Variants in TRIP12 observed in about 807,000 individuals in gnomAD.
TRIP12 encodes E3 ubiquitin-protein ligase TRIP12.
TRIP12 carries 25 observed loss-of-function variants against 244.2 expected under a neutral mutation model. That is an observed-to-expected ratio of 0.10 (90% CI 0.07 to 0.14). The LOEUF is 0.14. Ranked by LOEUF, TRIP12 falls within the 10% of genes least tolerant of loss-of-function variation. TRIP12 has a pLI of 1.00. For missense variants in TRIP12, 1,677 were observed against 2,486.4 expected (o/e 0.67, Z 6.92); for synonymous variants, 905 against 873.1 (o/e 1.04, Z -0.64).
Position 229,901,431 on chromosome 2 carries a change from G to GC in TRIP12, c.-50+20448dup, listed in dbSNP as rs561729784. On this transcript the variant is annotated intron_variant, in intron 1 of 41. Transcript: ENST00000675903. The stretch of plus-strand genomic sequence containing the variant: ...AGGTCAGGAGCTCAAGACCAGCCTG[G>GC]CCAATATGGTGAAACCCCCCTCCTC... 1.1e-3 allele frequency among the ~76,000 whole-genome samples: 165 copies of GC among 151,352 alleles called. 1 individual carries two copies. The highest frequency in any genetic ancestry group is 3.1e-3 in the South Asian group (15 of 4,766).
intron 2 of TRIP12, among the ~76,000 whole-genome samples, chr2:229,879,616 G>C (rs1266024427): frequency 1.3e-5 from 2 of 152,116 alleles, no homozygotes; most frequent in Non-Finnish European, 2.9e-5. Context: ...AAACAAATGA[G>C]GCCTCTTTTC....
intron 34 of TRIP12, among the ~76,000 whole-genome samples, chr2:229,783,498 C>T (rs1458204437): frequency 6.6e-6 from 1 of 152,030 alleles, no homozygotes; most frequent in African/African-American, 2.4e-5. Context: ...TTTCTAGAAA[C>T]CAACAAACAA....
chr2:229,890,543 C>T (rs560015390), intron 1 of TRIP12, among the ~76,000 whole-genome samples: 52 of 152,248 alleles, frequency 3.4e-4, no homozygotes, highest in Non-Finnish European at 5.9e-4. Flanking sequence ...AATAGAGCTA[C>T]AACCTGGGGA....
intron 18 of TRIP12, among the ~76,000 whole-genome samples, chr2:229,805,252 T>C (rs2045592023): frequency 4.2e-5 from 1 of 24,072 alleles, no homozygotes; most frequent in Non-Finnish European, 1.0e-4. Context: ...ACAACAAAAA[T>C]ATTTGCAGAC....
intron 39 of TRIP12, among the ~76,000 whole-genome samples, chr2:229,769,857 C>T (rs2033541634): frequency 6.6e-6 from 1 of 152,042 alleles, no homozygotes; most frequent in African/African-American, 2.4e-5. Flanking sequence ...GGGGACCAAC[C>T]CAGATATTAT....
intron 8 of TRIP12, among the ~76,000 whole-genome samples, chr2:229,825,352 G>A (rs1258871561): frequency 2.0e-5 from 3 of 152,196 alleles, no homozygotes; most frequent in Non-Finnish European, 2.9e-5. Flanking sequence ...ATGCCAGACT[G>A]TGGTCTCCAA....
At chr2:229,798,009 C>T (rs957926224) in intron 23 of TRIP12, among the ~76,000 whole-genome samples, 178 bp from the exon 24 acceptor site, 6 of 152,190 alleles carry the variant, frequency 3.9e-5, no homozygotes, top group Admixed American at 6.5e-5. Flanking sequence ...CGATGTACCA[C>T]CTGGAGAACT....
intron 6 of TRIP12, among the ~76,000 whole-genome samples, chr2:229,833,674 A>C (rs2054027951): frequency 6.6e-6 from 1 of 152,230 alleles, no homozygotes; most frequent in Non-Finnish European, 1.5e-5. Flanking sequence ...TACCTCTGAT[A>C]GCAAGTATTA....
intron 4 of TRIP12, among the ~76,000 whole-genome samples, chr2:229,855,883 C>T (rs1383529680): frequency 6.6e-6 from 1 of 151,742 alleles, no homozygotes; most frequent in Non-Finnish European, 1.5e-5. Flanking sequence ...CTCTTAAATA[C>T]AAAAATTAGC....
intron 1 of TRIP12, among the ~76,000 whole-genome samples, chr2:229,908,468 G>A (rs1166965698): frequency 3.3e-5 from 5 of 152,170 alleles, no homozygotes; most frequent in Non-Finnish European, 7.4e-5. Flanking sequence ...TTTTAGGCCG[G>A]GCGCGGTGGC....
intron 29 of TRIP12, among the ~76,000 whole-genome samples, chr2:229,791,591 T>C (rs966387834): frequency 6.6e-6 from 1 of 152,226 alleles, no homozygotes; most frequent in Non-Finnish European, 1.5e-5. Flanking sequence ...TATGGCAACA[T>C]TTTTGTCTTA....
chr2:229,791,189 C>T lies in TRIP12; in HGVS notation c.4478G>A (p.Arg1493Lys). The T allele has an allele frequency of 3.7e-6, 6 of 1,614,102 alleles. No homozygotes were observed. Among genetic ancestry groups the T allele is most frequent in the Non-Finnish European group, 5.1e-6 (6 of 1,179,976 alleles). ...NKDCVGGKRG[R>K]AQTAPTKTSP... ...AGTTTTCGTTGGAGCTGTTTGGGCT[C>T]TTCCTCTTTTACCACCAACACAATC... Residue 1493 changes from arginine to lysine, a missense_variant, in exon 30 of 42, where the codon AGA becomes AAA. Arg to Lys is a conservative substitution (Grantham distance 26, BLOSUM62 2). Transcript: ENST00000675903.
At chr2:229,857,658 G>T (rs2059823464) in intron 4 of TRIP12, among the ~76,000 whole-genome samples, 1 of 151,904 alleles carries the variant, frequency 6.6e-6, no homozygotes, top group African/African-American at 2.4e-5. Flanking sequence ...AAGAAGGGAG[G>T]AAAGAAAAGA....
chr2:229,831,928 C>T (rs1249299163), intron 6 of TRIP12, among the ~76,000 whole-genome samples: 1 of 140,328 alleles, frequency 7.1e-6, no homozygotes, highest in Non-Finnish European at 1.5e-5. Context: ...TCTACATAAG[C>T]TCTTCCACAA....
At chr2:229,839,791 A>G (rs2055906154) in intron 5 of TRIP12, among the ~76,000 whole-genome samples, 1 of 152,218 alleles carries the variant, frequency 6.6e-6, no homozygotes, top group Admixed American at 6.5e-5. Context: ...CAAGCCTGAA[A>G]AGCCGAGAGG....
intron 2 of TRIP12, among the ~76,000 whole-genome samples, chr2:229,867,965 T>C (rs1214059607): frequency 2.0e-5 from 3 of 152,208 alleles, no homozygotes; most frequent in Non-Finnish European, 4.4e-5. Flanking sequence ...TACAGAAAAG[T>C]AGCCTCTGCT....
intron 19 of TRIP12, 40 bp from the exon 20 acceptor site, chr2:229,803,729 A>T: frequency 6.9e-7 from 1 of 1,448,884 alleles, no homozygotes; most frequent in South Asian, 1.2e-5. Flanking sequence ...CTCTGCCTGA[A>T]TTTGATGATT....
In TRIP12 at chr2:229,856,156, CTT is replaced by C. The variant is rs894673193; in HGVS notation, c.1027+2614_1027+2615del. On this transcript the variant is annotated intron_variant, in intron 4 of 41. Coordinates refer to ENST00000675903, the MANE Select transcript of TRIP12 (RefSeq NM_001348323.3). ...GCTACACAAACGCTGGTTCCATTCT[CTT>C]GTTTCAACAGCTTAGGCTACGATGA... is the stretch of plus-strand genomic sequence containing the variant. Among the ~76,000 whole-genome samples the C allele has an allele frequency of 5.3e-5, 8 of 152,192 alleles. No individual in the cohort carries two copies. In the East Asian group the frequency reaches 9.6e-4, roughly 18 times the overall value.
At chr2:229,825,005 G>A (rs2154293541) in intron 8 of TRIP12, among the ~76,000 whole-genome samples, 1 of 152,208 alleles carries the variant, frequency 6.6e-6, no homozygotes, top group Middle Eastern at 3.4e-3. Flanking sequence ...AATCCAACTT[G>A]GTGGCATAAA....
Sources: allele counts gnomAD v4.1 joint callset (sites outside exome capture counted in the v4.1 genomes callset), GRCh38; gene constraint gnomAD v4.1.1; transcripts MANE v1.5; gene names NCBI Gene and HGNC (gene_info 2026-07-23, HGNC 2026-07-21).